GET1: variants seen among roughly 807,000 people sequenced by gnomAD.
The protein encoded by GET1 is congenital heart disease 5 protein.
GET1 carries 20 observed loss-of-function variants against 22.6 expected under a neutral mutation model. The ratio of observed to expected loss-of-function variants is 0.89; its 90% CI spans 0.62 to 1.29. The LOEUF is 1.29. Ranked by LOEUF, GET1 falls within the 50% of genes most tolerant of loss-of-function variation. GET1 has a pLI of 0.00. For missense variants in GET1, 209 were observed against 219.9 expected (o/e 0.95, Z 0.31); for synonymous variants, 92 against 83.8 (o/e 1.10, Z -0.53).
intron 1 of GET1, among the ~76,000 whole-genome samples, chr21:39,381,873 GA>G (rs1174734274): frequency 6.6e-6 from 1 of 151,968 alleles, no homozygotes; most frequent in African/African-American, 2.4e-5. Flanking sequence ...AAGTAGCTGG[GA>G]CCACAGGCAT....
At chr21:39,381,871 G>A (rs2037574244) in intron 1 of GET1, among the ~76,000 whole-genome samples, 1 of 151,966 alleles carries the variant, frequency 6.6e-6, no homozygotes, top group Non-Finnish European at 1.5e-5. Context: ...CCAAGTAGCT[G>A]GGACCACAGG....
At chr21:39,420,678 T>C (rs1053605261) in intron 1 of GET1, 3 of 1,587,960 alleles carry the variant, frequency 1.9e-6, no homozygotes, top group Non-Finnish European at 2.6e-6. Context: ...CAGGATTTCA[T>C]TCTTACATTT....
rs942311390 is a variant in GET1 at position 39,391,018 on chromosome 21, C to CT, written c.268+158dup. ...GGAGGAAACTCAGTAATAAGTATTACTTTCCTCTTATTTGCTGGTGAACCT... is the reference window on the plus strand; with the variant it reads ...GGAGGAAACTCAGTAATAAGTATTACTTTTCCTCTTATTTGCTGGTGAACCT... On this transcript the variant is annotated intron_variant, in intron 2 of 4. Coordinates refer to ENST00000649170, the MANE Select transcript of GET1 (RefSeq NM_004627.6). 6.0e-5 allele frequency: 45 copies of CT among 752,432 alleles called. No individual in the cohort carries two copies. The African/African-American group carries it at 7.6e-4, about 13-fold the overall frequency. The allele number at this position is 752,432 out of a possible 1,614,324, so 46.6% of individuals were successfully genotyped here. A position where few individuals can be genotyped will look rare whatever the true frequency, so the allele number is the denominator to read the frequency against.
chr21:39,383,819 C>A (rs1036959474), intron 1 of GET1, among the ~76,000 whole-genome samples: 31 of 152,054 alleles, frequency 2.0e-4, no homozygotes, highest in African/African-American at 7.5e-4. Flanking sequence ...TGGCTCACTG[C>A]AACCTCCGCC....
chr21:39,394,401 C>T (rs915062022), intron 4 of GET1, among the ~76,000 whole-genome samples: 1 of 151,934 alleles, frequency 6.6e-6, no homozygotes, highest in Non-Finnish European at 1.5e-5. Flanking sequence ...GCCTTTTTTT[C>T]CCCATTTATT....
chr21:39,415,754 T>G (rs936360889), intron 1 of GET1, among the ~76,000 whole-genome samples: 1 of 152,244 alleles, frequency 6.6e-6, no homozygotes, highest in Non-Finnish European at 1.5e-5. Context: ...CTATAGATTC[T>G]CACTCTCACC....
Position 39,390,775 on chromosome 21 carries a change from C to CT in GET1, c.181dup (p.Ser61PhefsTer25), listed in dbSNP as rs1483905616. 6.2e-7 allele frequency: 1 copy of CT among 1,614,160 alleles called. No homozygotes were observed. The highest frequency in any genetic ancestry group is 1.7e-5 in the Admixed American group (1 of 60,022). ...AGATCCAGGACATGAAGCAGGAGCT[C>CT]TCCACAGTCAACATGATGGACGAGT... On this transcript the variant is annotated frameshift_variant, in exon 2 of 5. Transcript: ENST00000649170. LOFTEE classifies it high-confidence loss of function.
intron 1 of GET1, among the ~76,000 whole-genome samples, chr21:39,386,780 A>G (rs1372829645): frequency 2.0e-5 from 3 of 152,232 alleles, no homozygotes; most frequent in Non-Finnish European, 2.9e-5. Flanking sequence ...ATGATTCTAG[A>G]ACATTTTAAC....
Position 39,380,355 on chromosome 21 carries a change from G to T in GET1, c.-30G>T. The T allele has an allele frequency of 6.3e-7, 1 of 1,575,638 alleles. No individual in the cohort carries two copies. On this transcript the variant is annotated 5_prime_UTR_variant, in exon 1 of 5. The change abolishes the stop of an existing upstream ORF in the 5' untranslated region. Coordinates refer to ENST00000649170, the MANE Select transcript of GET1 (RefSeq NM_004627.6). ...TTGTGGTCCCCATGGAGCTGCCGTAGCGGACCCAGCACAGCCAGGAGCGTC... is the reference window on the plus strand; with the variant it reads ...TTGTGGTCCCCATGGAGCTGCCGTATCGGACCCAGCACAGCCAGGAGCGTC...
intron 1 of GET1, chr21:39,422,369 G>A (rs2073915653): frequency 6.6e-6 from 1 of 152,260 alleles, no homozygotes; most frequent in Admixed American, 6.5e-5. Flanking sequence ...TAATCCCCAG[G>A]CTTTTGACAA....
intron 4 of GET1, 72 bp downstream of exon 4, chr21:39,393,352 A>G: frequency 8.1e-7 from 1 of 1,233,508 alleles, no homozygotes; most frequent in African/African-American, 1.5e-5. Flanking sequence ...TAGAAGATTA[A>G]GTTAGCCTGA....
rs1430129781 is a variant in GET1, at chr21:39,393,154, G to A, written c.337-12G>A. ...TGGCAGGCTGCTTTGCTCACCAGAG[G>A]TGTCTTTACAGGCTGCCCTGATGAT... On this transcript the variant is annotated splice_polypyrimidine_tract_variant and intron_variant, in intron 3 of 4. Transcript: ENST00000649170. 6.2e-7 allele frequency: 1 copy of A among 1,610,804 alleles called. No homozygotes were observed. Among genetic ancestry groups the A allele is most frequent in the South Asian group, 1.1e-5 (1 of 90,988 alleles).
At chr21:39,411,048 A>G (rs1183363055), downstream of GET1, 11 of 395,214 alleles carry the variant, frequency 2.8e-5, no homozygotes, top group Non-Finnish European at 4.5e-5. Flanking sequence ...AGAGGTATAC[A>G]CTAATGATAG....
chr21:39,390,633 G>C (rs1480922294), intron 1 of GET1, 65 bp from the exon 2 acceptor site: 1 of 1,585,388 alleles, frequency 6.3e-7, no homozygotes, highest in East Asian at 2.3e-5. Flanking sequence ...AAAGTAGCGG[G>C]GGACTGGGGA....
chr21:39,413,670 A>G (rs1277447931), intron 1 of GET1, among the ~76,000 whole-genome samples: 1 of 152,268 alleles, frequency 6.6e-6, no homozygotes, highest in Non-Finnish European at 1.5e-5. Context: ...CCAAAAGAAC[A>G]GTAAATGCTG....
chr21:39,402,304 C>T (rs1345173066), downstream of GET1, among the ~76,000 whole-genome samples: 1 of 152,078 alleles, frequency 6.6e-6, no homozygotes, highest in African/African-American at 2.4e-5. Context: ...GGGGTTTCAC[C>T]ATGTTGGCCA....
downstream of GET1, chr21:39,410,415 T>G (rs2147171787): frequency 1.0e-6 from 1 of 966,246 alleles, no homozygotes; most frequent in East Asian, 2.4e-5. Context: ...TACATTTGGA[T>G]ACAATATTGA....
chr21:39,386,079 G>T (rs1163915194), intron 1 of GET1: 1 of 152,298 alleles, frequency 6.6e-6, no homozygotes, highest in Admixed American at 6.5e-5. Flanking sequence ...AGGACTCTGC[G>T]TGTGTTGCCT....
chr21:39,414,742 CTGTGTGTGTGTGTG>C (rs66478742), intron 1 of GET1, among the ~76,000 whole-genome samples: 12 of 99,234 alleles, frequency 1.2e-4, no homozygotes, highest in African/African-American at 4.4e-4. Context: ...CTCTCTCTCT[CTGTGTGTGTGTGTG>C]TGTGTGTGTG....
Sources: gnomAD v4.1 joint callset for allele counts (sites outside exome capture counted in the v4.1 genomes callset) on GRCh38, gnomAD v4.1.1 for gene constraint, MANE v1.5 for transcripts, NCBI Gene and HGNC (gene_info 2026-07-23, HGNC 2026-07-21) for gene names.